PSMA1: variants seen among roughly 807,000 people sequenced by gnomAD.
The protein encoded by PSMA1 is proteasome 20S subunit alpha 1.
Under a neutral mutation model 38.4 loss-of-function variants are expected in PSMA1, and 3 were observed. That is an observed-to-expected ratio of 0.08 (90% CI 0.04 to 0.20). The LOEUF (loss-of-function observed/expected upper bound fraction) is 0.20. PSMA1 is among the 10% of genes least tolerant of loss of function. The pLI, the probability that PSMA1 is intolerant of heterozygous loss-of-function variation, is 1.00. For synonymous variants in PSMA1, 101 were observed against 107.1 expected (o/e 0.94, Z 0.35); for missense variants, 227 against 325.3 (o/e 0.70, Z 2.32).
At chr11:14,520,252 C>T (rs1851505805) in intron 1 of PSMA1, 45 bp downstream of exon 1, 1 of 1,613,812 alleles carries the variant, frequency 6.2e-7, no homozygotes, top group East Asian at 2.2e-5. Context: ...CCCCCAGTCA[C>T]CAGAGCTCTG....
At chr11:14,579,340 G>A (rs1310730899) in intron 2 of PSMA1, among the ~76,000 whole-genome samples, 1 of 152,038 alleles carries the variant, frequency 6.6e-6, no homozygotes, top group Admixed American at 6.6e-5. Flanking sequence ...ACGTAACGGC[G>A]ATCTCTACCT....
chr11:14,639,951 T>G (rs1304215955), intron 1 of PSMA1, among the ~76,000 whole-genome samples: 1 of 152,200 alleles, frequency 6.6e-6, no homozygotes, highest in Non-Finnish European at 1.5e-5. Flanking sequence ...CAGCTCCTGT[T>G]ACAACGGGCT....
At chr11:14,551,396 T>C (rs1851882890) in intron 2 of PSMA1, among the ~76,000 whole-genome samples, 1 of 152,040 alleles carries the variant, frequency 6.6e-6, no homozygotes, top group African/African-American at 2.4e-5. Context: ...TGAAGAGACA[T>C]GGATATTTGG....
chr11:14,638,585 ATTTTTTTTTTTTTTTTTT>A (rs1162549899), intron 1 of PSMA1, among the ~76,000 whole-genome samples: 1 of 8,094 alleles, frequency 1.2e-4, no homozygotes, highest in African/African-American at 5.6e-4. Context: ...ATATATATAT[ATTTTTTTTTTTTTTTTTT>A]TTTTTTTTTT....
chr11:14,559,438 C>T (rs1387780821), intron 2 of PSMA1, among the ~76,000 whole-genome samples: 1 of 152,204 alleles, frequency 6.6e-6, no homozygotes, highest in African/African-American at 2.4e-5. Context: ...CAACCCTCAG[C>T]ATCCGGAACT....
chr11:14,632,309 T>C (rs1306768710), intron 1 of PSMA1, among the ~76,000 whole-genome samples: 1 of 149,892 alleles, frequency 6.7e-6, no homozygotes, highest in African/African-American at 2.5e-5. Context: ...TGGTACCGGT[T>C]GTTCCTTTCC....
At chr11:14,543,563 T>C (rs1851794916) in intron 2 of PSMA1, among the ~76,000 whole-genome samples, 1 of 152,148 alleles carries the variant, frequency 6.6e-6, no homozygotes, top group South Asian at 2.1e-4. Flanking sequence ...GGAGGATTTA[T>C]TGGCTTGTGT....
intron 2 of PSMA1, among the ~76,000 whole-genome samples, chr11:14,610,448 C>T (rs1638433574): frequency 1.3e-5 from 2 of 152,286 alleles, no homozygotes; most frequent in South Asian, 4.1e-4. Context: ...CCTCCTGCTT[C>T]CTACTATTGT....
At chr11:14,514,176 T>G in intron 5 of PSMA1, 1 of 1,337,544 alleles carries the variant, frequency 7.5e-7, no homozygotes. Context: ...TAAGAAACTT[T>G]AAATCCCCTC....
intron 2 of PSMA1, among the ~76,000 whole-genome samples, chr11:14,589,401 A>G (rs948755559): frequency 2.7e-5 from 4 of 147,736 alleles, no homozygotes; most frequent in East Asian, 2.0e-4. Flanking sequence ...ATGTGTGTGT[A>G]TATATATATG....
intron 2 of PSMA1, among the ~76,000 whole-genome samples, chr11:14,556,928 T>A (rs901936478): frequency 1.4e-4 from 21 of 152,314 alleles, no homozygotes; most frequent in African/African-American, 5.1e-4. Flanking sequence ...CTCCAACTCC[T>A]GGGCTCAAGC....
intron 1 of PSMA1, among the ~76,000 whole-genome samples, chr11:14,639,344 T>C (rs1853169303): frequency 6.6e-6 from 1 of 152,216 alleles, no homozygotes; most frequent in Non-Finnish European, 1.5e-5. Context: ...GTTTTTTCTA[T>C]TATATTCTAT....
chr11:14,541,232 C>G (rs559011569), intron 2 of PSMA1, among the ~76,000 whole-genome samples: 123 of 152,314 alleles, frequency 8.1e-4, no homozygotes, highest in South Asian at 2.1e-3. Flanking sequence ...CCAGATTTCA[C>G]AACTCTAGTC....
intron 2 of PSMA1, among the ~76,000 whole-genome samples, chr11:14,539,645 A>T (rs1350432082): frequency 1.3e-5 from 2 of 152,126 alleles, no homozygotes; most frequent in African/African-American, 2.4e-5. Context: ...GGAGATGGAG[A>T]CCATCCTGGC....
At chr11:14,596,244 T>C (rs1239104282) in intron 2 of PSMA1, among the ~76,000 whole-genome samples, 2 of 152,220 alleles carry the variant, frequency 1.3e-5, no homozygotes, top group East Asian at 3.8e-4. Context: ...TTTGGTTCCA[T>C]ATGAACTTTA....
chr11:14,539,834 G>C (rs1204359738), intron 2 of PSMA1, among the ~76,000 whole-genome samples: 1 of 151,270 alleles, frequency 6.6e-6, no homozygotes. Context: ...GGGTGACAGA[G>C]CGAGACTCCG....
chr11:14,592,370 CTCTCTCTATATA>C (rs1278496652), intron 2 of PSMA1, among the ~76,000 whole-genome samples: 53 of 111,212 alleles, frequency 4.8e-4, no homozygotes, highest in African/African-American at 2.0e-3. Context: ...CTCTCTCTCT[CTCTCTCTATATA>C]TATATATATA....
chr11:14,520,418 G>C (rs373152197), upstream of PSMA1: 3 of 1,610,620 alleles, frequency 1.9e-6, no homozygotes, highest in African/African-American at 2.7e-5. Flanking sequence ...CGGCGGCGCA[G>C]GGTAGCGCAG....
At chr11:14,523,411 C>T (rs1367182558), upstream of PSMA1, among the ~76,000 whole-genome samples, 2 of 152,020 alleles carry the variant, frequency 1.3e-5, no homozygotes, top group Non-Finnish European at 2.9e-5. Context: ...GCTAGGGCTA[C>T]AGGTGCACAC....
Sources: allele counts gnomAD v4.1 joint callset (sites outside exome capture counted in the v4.1 genomes callset), GRCh38; gene constraint gnomAD v4.1.1; transcripts MANE v1.5; gene names NCBI Gene and HGNC (gene_info 2026-07-23, HGNC 2026-07-21).